UBE2E2: variants seen among roughly 807,000 people sequenced by gnomAD.
The protein encoded by UBE2E2 is ubiquitin conjugating enzyme E2 E2, also known as ubiquitin-conjugating enzyme E2 E2.
In UBE2E2, 6 loss-of-function variants were observed where a neutral mutation model predicts 24.7. That is an observed-to-expected ratio of 0.24 (90% CI 0.13 to 0.48). The LOEUF (loss-of-function observed/expected upper bound fraction) is 0.48. Among genes scored for constraint, UBE2E2 ranks in the 20% least tolerant of loss-of-function variants. The probability of loss-of-function intolerance (pLI) is 0.99; values close to 1 mark genes in which losing one functional copy is unlikely to be tolerated. For synonymous variants in UBE2E2, 104 were observed against 83.6 expected (o/e 1.24, Z -1.33); for missense variants, 169 against 245.0 (o/e 0.69, Z 2.07).
intron 5 of UBE2E2, chr3:23,534,347 G>A (rs997360780): frequency 3.4e-5 from 21 of 623,972 alleles, no homozygotes; most frequent in South Asian, 2.9e-4. Flanking sequence ...TTTTTGCTCC[G>A]TTTCAGAAAA....
intron 5 of UBE2E2, among the ~76,000 whole-genome samples, chr3:23,588,068 C>A (rs968967365): frequency 6.6e-6 from 1 of 152,144 alleles, no homozygotes; most frequent in Non-Finnish European, 1.5e-5. Flanking sequence ...TTCTATTATA[C>A]CTTTCATATT....
intron 3 of UBE2E2, among the ~76,000 whole-genome samples, chr3:23,451,144 A>G (rs962335242): frequency 9.2e-5 from 14 of 152,174 alleles, no homozygotes; most frequent in Non-Finnish European, 2.1e-4. Flanking sequence ...GCACACTTGT[A>G]TTGGAGGCTG....
At chr3:23,218,094 T>C (rs1336624207) in intron 3 of UBE2E2, among the ~76,000 whole-genome samples, 1 of 152,100 alleles carries the variant, frequency 6.6e-6, no homozygotes, top group Non-Finnish European at 1.5e-5. Context: ...ATCTTATGCA[T>C]TGAAGGTGAG....
intron 3 of UBE2E2, among the ~76,000 whole-genome samples, chr3:23,415,703 A>G: frequency 6.6e-6 from 1 of 152,202 alleles, no homozygotes; most frequent in East Asian, 1.9e-4. Flanking sequence ...AGGTCATATC[A>G]GTAAATAAAA....
At chr3:23,479,543 G>GA (rs1178896454) in intron 3 of UBE2E2, among the ~76,000 whole-genome samples, 1 of 151,114 alleles carries the variant, frequency 6.6e-6, no homozygotes, top group Non-Finnish European at 1.5e-5. Context: ...TTGGGGGGTA[G>GA]GGGGGGTATG....
intron 5 of UBE2E2, among the ~76,000 whole-genome samples, chr3:23,561,054 C>T (rs1695916137): frequency 6.6e-6 from 1 of 152,136 alleles, no homozygotes; most frequent in Admixed American, 6.5e-5. Flanking sequence ...TTTTGCTGTG[C>T]AGAAGCTCTT....
At chr3:23,478,906 T>A (rs1192256361) in intron 3 of UBE2E2, among the ~76,000 whole-genome samples, 7 of 144,460 alleles carry the variant, frequency 4.8e-5, no homozygotes, top group Non-Finnish European at 7.6e-5. Context: ...ATTTTTTTTT[T>A]AATTAGCTGA....
intron 3 of UBE2E2, among the ~76,000 whole-genome samples, chr3:23,254,850 T>G (rs562155072): frequency 6.6e-6 from 1 of 152,244 alleles, no homozygotes; most frequent in East Asian, 1.9e-4. Context: ...CAGATAATTC[T>G]TAAGGTCCTT....
At chr3:23,313,295 C>T (rs1049451016) in intron 3 of UBE2E2, among the ~76,000 whole-genome samples, 2 of 151,266 alleles carry the variant, frequency 1.3e-5, no homozygotes, top group African/African-American at 4.9e-5. Flanking sequence ...TTTCCATTTG[C>T]ATGGAATATT....
chr3:23,560,647 C>T (rs1270876618), intron 5 of UBE2E2, among the ~76,000 whole-genome samples: 1 of 152,096 alleles, frequency 6.6e-6, no homozygotes, highest in Non-Finnish European at 1.5e-5. Flanking sequence ...GCCACACTGA[C>T]TTCCACAATG....
chr3:23,387,289 C>G (rs1337209506), intron 3 of UBE2E2, among the ~76,000 whole-genome samples: 3 of 152,070 alleles, frequency 2.0e-5, no homozygotes, highest in Non-Finnish European at 4.4e-5. Context: ...AGTACTATTT[C>G]TTTCTTTGTA....
intron 3 of UBE2E2, among the ~76,000 whole-genome samples, chr3:23,348,593 A>C (rs1176418046): frequency 1.3e-5 from 2 of 152,176 alleles, no homozygotes; most frequent in Admixed American, 1.3e-4. Flanking sequence ...AAGAAGAGTA[A>C]TTCTAGACAC....
chr3:23,291,844 G>A (rs1449082769), intron 3 of UBE2E2, among the ~76,000 whole-genome samples: 58 of 123,550 alleles, frequency 4.7e-4, no homozygotes, highest in African/African-American at 1.7e-3. Flanking sequence ...CACCATGCCC[G>A]GCTAATTTTT....
At chr3:23,459,925 A>G (rs1450058498) in intron 3 of UBE2E2, among the ~76,000 whole-genome samples, 1 of 152,234 alleles carries the variant, frequency 6.6e-6, no homozygotes, top group Non-Finnish European at 1.5e-5. Context: ...ACTTATGCCA[A>G]CAGTTCTCTT....
chr3:23,540,695 G>C (rs767032718), intron 5 of UBE2E2, among the ~76,000 whole-genome samples: 2 of 152,078 alleles, frequency 1.3e-5, no homozygotes, highest in Non-Finnish European at 2.9e-5. Flanking sequence ...GAGCCACCGT[G>C]CCTGGCAGAC....
chr3:23,284,237 A>G (rs1181718911), intron 3 of UBE2E2, among the ~76,000 whole-genome samples: 2 of 152,064 alleles, frequency 1.3e-5, no homozygotes, highest in Admixed American at 6.6e-5. Context: ...ATTGCATAAT[A>G]TTTATATTAT....
chr3:23,459,306 TAA>T (rs1342406253), intron 3 of UBE2E2, among the ~76,000 whole-genome samples: 4 of 152,226 alleles, frequency 2.6e-5, no homozygotes, highest in African/African-American at 9.6e-5. Flanking sequence ...TTTAATTTCA[TAA>T]ACATTCTTCT....
intron 3 of UBE2E2, among the ~76,000 whole-genome samples, chr3:23,272,875 G>C (rs954889879): frequency 1.3e-5 from 2 of 152,140 alleles, no homozygotes; most frequent in Non-Finnish European, 1.5e-5. Context: ...ACCAAGAAGA[G>C]CCCAAGTTTC....
rs201926770 is a variant in UBE2E2, at chr3:23,509,070, G to GTATT, written c.360+9331_360+9334dup. On this transcript the variant is annotated intron_variant, in intron 4 of 5. Coordinates refer to ENST00000396703, the MANE Select transcript of UBE2E2 (RefSeq NM_152653.4). ...TCTTCAGTATCCCAAACATCAAAGG[G>GTATT]TATTGAGTGATCCACTCACTGGTCC... Among the ~76,000 whole-genome samples the GTATT allele has an allele frequency of 2.4e-4, 36 of 152,286 alleles. 1 individual carries two copies. The East Asian group carries it at 6.8e-3, about 29-fold the overall frequency.
Sources: gnomAD v4.1 joint callset for allele counts (sites outside exome capture counted in the v4.1 genomes callset) on GRCh38, gnomAD v4.1.1 for gene constraint, MANE v1.5 for transcripts, NCBI Gene and HGNC (gene_info 2026-07-23, HGNC 2026-07-21) for gene names.